Variants in SMIM38 observed in about 807,000 individuals in gnomAD.
The protein encoded by SMIM38 is small integral membrane protein 38.
chr11:69,155,810 G>A (rs963904000), upstream of SMIM38: 5 of 152,242 alleles, frequency 3.3e-5, no homozygotes, highest in African/African-American at 4.8e-5. Context: ...GACTTTCCCT[G>A]GCCTTCTGGA....
At chr11:69,156,742 A>G (rs1018080595) in intron 1 of SMIM38, among the ~76,000 whole-genome samples, 2 of 152,190 alleles carry the variant, frequency 1.3e-5, no homozygotes, top group South Asian at 2.1e-4. Context: ...GTGGCCCCTG[A>G]GAAGTGCTCT....
At chr11:69,156,611 C>T (rs11822202) in intron 1 of SMIM38, among the ~76,000 whole-genome samples, 2,693 of 108,450 alleles carry the variant, frequency 0.025, 83 homozygotes, top group African/African-American at 0.079. Context: ...TGTGTGTGTG[C>T]GCGCGTGTGG....
chr11:69,158,876 C>T lies in SMIM38; in HGVS notation c.*874C>T, dbSNP rs547247214. The stretch of plus-strand genomic sequence containing the variant: ...ACAGCTTGGGGAAGCTCAAAGGCTC[C>T]ACATTCGAGCCTCTTGGGGGAAATT... On this transcript the variant is annotated 3_prime_UTR_variant, in exon 2 of 3. Transcript: ENST00000686237. 6.6e-6 allele frequency: 1 copy of T among 152,368 alleles called. No individual in the cohort carries two copies. Among genetic ancestry groups the T allele is most frequent in the Admixed American group, 6.5e-5 (1 of 15,302 alleles). 9.4% of individuals were successfully genotyped at this position (152,368 alleles called of 1,614,324 possible). A position where few individuals can be genotyped will look rare whatever the true frequency, so the allele number is the denominator to read the frequency against.
Position 69,159,542 on chromosome 11 carries a change from G to A in SMIM38, c.*1446G>A, listed in dbSNP as rs1310918908. On this transcript the variant is annotated 3_prime_UTR_variant, in exon 3 of 3. Coordinates refer to ENST00000686237, the MANE Select transcript of SMIM38 (RefSeq NM_001369201.2). The stretch of plus-strand genomic sequence containing the variant: ...CCATCTGGGGTGGGACCGACCAAGA[G>A]TTTGAGGTGTCCAGGGGGTGACGTG... 3.3e-5 allele frequency: 5 copies of A among 151,780 alleles called. No homozygotes were observed. The highest frequency in any genetic ancestry group is 3.3e-4 in the Admixed American group (5 of 15,264). The allele number at this position is 151,780 out of a possible 1,614,324, so 9.4% of individuals were successfully genotyped here.
intron 1 of SMIM38, 149 bp downstream of exon 1, chr11:69,156,263 C>A (rs1187801860): frequency 6.6e-6 from 1 of 152,402 alleles, no homozygotes; most frequent in Non-Finnish European, 1.5e-5. Context: ...CCCCAGATCC[C>A]TGTGGCCAGG....
At position 69,158,128 on chromosome 11, in the gene SMIM38, CAGAG is replaced by C; in HGVS notation, c.*129_*132del. 2.5e-6 allele frequency: 1 copy of C among 396,908 alleles called. No individual in the cohort carries two copies. The highest frequency in any genetic ancestry group is 4.4e-6 in the Non-Finnish European group (1 of 225,544). 24.6% of individuals were successfully genotyped at this position (396,908 alleles called of 1,614,324 possible). On this transcript the variant is annotated 3_prime_UTR_variant, in exon 2 of 3. Coordinates refer to ENST00000686237, the MANE Select transcript of SMIM38 (RefSeq NM_001369201.2). ...ATGTCCCACCCCTGGGGCAGGAGCT[CAGAG>C]AGGCCTGAGATGGATCGTGCCTTCC...
Position 69,159,367 on chromosome 11 carries a change from G to A in SMIM38, c.*1349+16G>A, listed in dbSNP as rs920185222. The A allele has an allele frequency of 6.6e-6, 1 of 152,124 alleles. No individual in the cohort carries two copies. The highest frequency in any genetic ancestry group is 1.5e-5 in the Non-Finnish European group (1 of 68,070). 9.4% of individuals were successfully genotyped at this position (152,124 alleles called of 1,614,324 possible). A position where few individuals can be genotyped will look rare whatever the true frequency, so the allele number is the denominator to read the frequency against. On this transcript the variant is annotated intron_variant, in intron 2 of 2. Transcript: ENST00000686237. ...ATGAACCCAGGTGAGGACCAGAAAC[G>A]CTGTTATCACTGTTTCTGCGGCACC...
In SMIM38 at chr11:69,158,050, G is replaced by A. The variant is rs375546247; in HGVS notation, c.*48G>A. ...ACGCGCCCTGTCCCGAGACTCAGCCGGCCCTTCCAGTGGTGGTGGGAGGGA... is the reference window on the plus strand; with the variant it reads ...ACGCGCCCTGTCCCGAGACTCAGCCAGCCCTTCCAGTGGTGGTGGGAGGGA... On this transcript the variant is annotated 3_prime_UTR_variant, in exon 2 of 3. Coordinates refer to ENST00000686237, the MANE Select transcript of SMIM38 (RefSeq NM_001369201.2). The A allele has an allele frequency of 6.8e-5, 27 of 398,668 alleles. 1 individual carries two copies. The highest frequency in any genetic ancestry group is 2.6e-4 in the South Asian group (2 of 7,812). The allele number at this position is 398,668 out of a possible 1,614,324, so 24.7% of individuals were successfully genotyped here.
rs376869266 is a variant in SMIM38 at position 69,158,292 on chromosome 11, A to G, written c.*290A>G. 40 of 288,620 alleles carry G rather than the reference A, an allele frequency of 1.4e-4. No homozygotes were observed. The Middle Eastern group carries it at 2.9e-3, about 21-fold the overall frequency. The allele number at this position is 288,620 out of a possible 1,614,324, so 17.9% of individuals were successfully genotyped here. On this transcript the variant is annotated 3_prime_UTR_variant, in exon 2 of 3. Transcript: ENST00000686237. ...TCCTGGGGGTGGGTCTTGCTTTAAG[A>G]CCTTCTCTGCCTCCAATTCCTTATA...
At position 69,161,421 on chromosome 11, in the gene SMIM38, C is replaced by T. The variant is rs894736579; in HGVS notation, c.*3325C>T. The T allele has an allele frequency of 3.3e-5, 5 of 152,228 alleles. No individual in the cohort carries two copies. The highest frequency in any genetic ancestry group is 1.2e-4 in the African/African-American group (5 of 41,446). 9.4% of individuals were successfully genotyped at this position (152,228 alleles called of 1,614,324 possible). On this transcript the variant is annotated 3_prime_UTR_variant, in exon 3 of 3. Transcript: ENST00000686237. ...TTGGACCCTATTTTGGATATTTGGG[C>T]ACCTTTGTGGTACCCTTATGTGCTG... is the stretch of plus-strand genomic sequence containing the variant.
rs1191315678 is a variant in SMIM38, at chr11:69,157,886, C to A, written c.40C>A (p.Leu14Ile). The A allele has an allele frequency of 7.5e-6, 3 of 399,088 alleles. No individual in the cohort carries two copies. The highest frequency in any genetic ancestry group is 1.3e-4 in the South Asian group (1 of 7,872). 24.7% of individuals were successfully genotyped at this position (399,088 alleles called of 1,614,324 possible). Residue 14 changes from leucine to isoleucine, a missense_variant, in exon 2 of 3, where the codon CTC (leucine) becomes ATC (isoleucine). Leu to Ile is a conservative substitution (Grantham distance 5). Transcript: ENST00000686237. ...WPGGSFGPDP[L>I]LALLVVILLA... ...AGGTGGCAGCTTTGGCCCTGACCCG[C>A]TCCTGGCCCTGCTGGTGGTGATCCT...
In SMIM38 at chr11:69,160,181, A is replaced by G. The variant is rs898228022; in HGVS notation, c.*2085A>G. 2.8e-5 allele frequency: 4 copies of G among 140,646 alleles called. No homozygotes were observed. Among genetic ancestry groups the G allele is most frequent in the African/African-American group, 1.1e-4 (4 of 36,524 alleles). The allele number at this position is 140,646 out of a possible 1,614,324, so 8.7% of individuals were successfully genotyped here. ...CAGTGAGCCAGAATCCTGGGACTTCATCATCTTTTTTTTTTTTTTTTTTGA... is the reference window on the plus strand; with the variant it reads ...CAGTGAGCCAGAATCCTGGGACTTCGTCATCTTTTTTTTTTTTTTTTTTGA... On this transcript the variant is annotated 3_prime_UTR_variant, in exon 3 of 3. Transcript: ENST00000686237.
intron 1 of SMIM38, among the ~76,000 whole-genome samples, chr11:69,156,442 A>G (rs991981945): frequency 6.6e-6 from 1 of 152,190 alleles, no homozygotes; most frequent in African/African-American, 2.4e-5. Flanking sequence ...TAGAGGGGGC[A>G]GTTCTGGCGG....
At position 69,158,579 on chromosome 11, in the gene SMIM38, T is replaced by C. The variant is rs1348524569; in HGVS notation, c.*577T>C. ...AGTTGACAAGCCAGACGCACTTGGCTCTGGTTGACCCTCTGCACACTCTCT... is the reference window on the plus strand; with the variant it reads ...AGTTGACAAGCCAGACGCACTTGGCCCTGGTTGACCCTCTGCACACTCTCT... On this transcript the variant is annotated 3_prime_UTR_variant, in exon 2 of 3. Transcript: ENST00000686237. 1 of 152,278 alleles carries C rather than the reference T, an allele frequency of 6.6e-6. No individual in the cohort carries two copies. Among genetic ancestry groups the C allele is most frequent in the African/African-American group, 2.4e-5 (1 of 41,430 alleles). 9.4% of individuals were successfully genotyped at this position (152,278 alleles called of 1,614,324 possible). A position where few individuals can be genotyped will look rare whatever the true frequency, so the allele number is the denominator to read the frequency against.
At chr11:69,156,866 T>C (rs1202419720) in intron 1 of SMIM38, among the ~76,000 whole-genome samples, 2 of 152,208 alleles carry the variant, frequency 1.3e-5, no homozygotes, top group African/African-American at 4.8e-5. Flanking sequence ...AAGGCAGGAC[T>C]GGCCTCCGGT....
Position 69,157,655 on chromosome 11 carries a change from T to C in SMIM38, c.-192T>C. ...TGGAGTCTGGCGGGCAGATCTGGCC[T>C]GCTTGGTGGCACCAGAGAGAACAGG... On this transcript the variant is annotated 5_prime_UTR_variant, in exon 2 of 3. Coordinates refer to ENST00000686237, the MANE Select transcript of SMIM38 (RefSeq NM_001369201.2). 2.5e-6 allele frequency: 1 copy of C among 395,546 alleles called. No individual in the cohort carries two copies. The highest frequency in any genetic ancestry group is 4.5e-6 in the Non-Finnish European group (1 of 224,628). The allele number at this position is 395,546 out of a possible 1,614,324, so 24.5% of individuals were successfully genotyped here. A position where few individuals can be genotyped will look rare whatever the true frequency, so the allele number is the denominator to read the frequency against.
In SMIM38 at chr11:69,157,335, C is replaced by G. The variant is rs975006469; in HGVS notation, c.-512C>G. On this transcript the variant is annotated 5_prime_UTR_variant, in exon 2 of 3. Coordinates refer to ENST00000686237, the MANE Select transcript of SMIM38 (RefSeq NM_001369201.2). ...GGAGAGAAAGGGCCCAATTGTCTGGCGGGGCCGGAAGAGCCGCGTGGGCTG... is the reference window on the plus strand; with the variant it reads ...GGAGAGAAAGGGCCCAATTGTCTGGGGGGGCCGGAAGAGCCGCGTGGGCTG... The G allele has an allele frequency of 1.3e-5, 2 of 152,442 alleles. No homozygotes were observed. The highest frequency in any genetic ancestry group is 2.9e-5 in the Non-Finnish European group (2 of 68,200). The allele number at this position is 152,442 out of a possible 1,614,324, so 9.4% of individuals were successfully genotyped here.
Position 69,160,900 on chromosome 11 carries a change from C to T in SMIM38, c.*2804C>T, listed in dbSNP as rs1857048063. 6.6e-6 allele frequency: 1 copy of T among 152,226 alleles called. No individual in the cohort carries two copies. Among genetic ancestry groups the T allele is most frequent in the African/African-American group, 2.4e-5 (1 of 41,458 alleles). 9.4% of individuals were successfully genotyped at this position (152,226 alleles called of 1,614,324 possible). On this transcript the variant is annotated 3_prime_UTR_variant, in exon 3 of 3. Transcript: ENST00000686237. The stretch of plus-strand genomic sequence containing the variant: ...CAGCTGCAGGTAACAGACACGTAGA[C>T]AAACAGTGGCTTAAAAAAGAGAGGC...
chr11:69,162,293 G>A lies in SMIM38; in HGVS notation c.*4197G>A, dbSNP rs1857060506. 6.6e-6 allele frequency: 1 copy of A among 152,166 alleles called. No homozygotes were observed. The highest frequency in any genetic ancestry group is 2.1e-4 in the South Asian group (1 of 4,826). 9.4% of individuals were successfully genotyped at this position (152,166 alleles called of 1,614,324 possible). A position where few individuals can be genotyped will look rare whatever the true frequency, so the allele number is the denominator to read the frequency against. On this transcript the variant is annotated 3_prime_UTR_variant, in exon 3 of 3. Transcript: ENST00000686237. Reference sequence around the variant, plus strand: ...CAGTAAAAATGCCACCACAAATTGCGATATGATGTAAGTAAAATGCGTACT... The same window carrying A: ...CAGTAAAAATGCCACCACAAATTGCAATATGATGTAAGTAAAATGCGTACT...
Sources: gnomAD v4.1 joint callset for allele counts (sites outside exome capture counted in the v4.1 genomes callset) on GRCh38, gnomAD v4.1.1 for gene constraint, MANE v1.5 for transcripts, NCBI Gene and HGNC (gene_info 2026-07-23, HGNC 2026-07-21) for gene names.